The following PRKCH variants were observed in gnomAD, a reference collection of about 807,000 sequenced individuals.
The protein encoded by PRKCH is protein kinase C eta.
A neutral mutation model predicts 82.5 loss-of-function variants in PRKCH; 28 were observed. The ratio of observed to expected loss-of-function variants is 0.34; its 90% CI spans 0.25 to 0.47. The LOEUF (loss-of-function observed/expected upper bound fraction) is 0.47, where lower values mean the gene tolerates loss of function less well. Among genes scored for constraint, PRKCH ranks in the 20% least tolerant of loss-of-function variants. The pLI, the probability that PRKCH is intolerant of heterozygous loss-of-function variation, is 1.00. For synonymous variants in PRKCH, 322 were observed against 327.4 expected, an observed-to-expected ratio of 0.98 and a Z score of 0.18; for missense variants, 705 against 881.8, an observed-to-expected ratio of 0.80 and a Z score of 2.54.
At chr14:61,204,490 C>T (rs1452462833) in intron 1 of PRKCH, among the ~76,000 whole-genome samples, 1 of 152,136 alleles carries the variant, frequency 6.6e-6, no homozygotes, top group Admixed American at 6.5e-5. Context: ...TGCAGTGGCT[C>T]ACACCTGTAA....
At chr14:61,344,656 G>C (rs2045969388) in intron 1 of PRKCH, among the ~76,000 whole-genome samples, 1 of 152,100 alleles carries the variant, frequency 6.6e-6, no homozygotes, top group Non-Finnish European at 1.5e-5. Context: ...ACTTGGGTCT[G>C]TAGTCAGCGG....
intron 1 of PRKCH, among the ~76,000 whole-genome samples, chr14:61,372,962 GAGTCCTGCCAGTTGCATCTGAGAGAC>G (rs1189271606): frequency 6.6e-6 from 1 of 152,018 alleles, no homozygotes; most frequent in Non-Finnish European, 1.5e-5. Context: ...CCTGCTGAGA[GAGTCCTGCCAGTTGCATCTGAGAGAC>G]AGTCCTGCCA....
At chr14:61,428,112 C>CATATAT (rs112740584) in intron 2 of PRKCH, among the ~76,000 whole-genome samples, 100 of 145,592 alleles carry the variant, frequency 6.9e-4, no homozygotes, top group East Asian at 1.6e-3. Context: ...TATATACACA[C>CATATAT]ATATATATAT....
intron 1 of PRKCH, among the ~76,000 whole-genome samples, chr14:61,201,534 A>T (rs1263523697): frequency 6.6e-6 from 1 of 152,228 alleles, no homozygotes; most frequent in Non-Finnish European, 1.5e-5. Flanking sequence ...ATAACAAGAG[A>T]ATATAAACAT....
intron 2 of PRKCH, among the ~76,000 whole-genome samples, chr14:61,395,771 T>C (rs1186074477): frequency 6.6e-6 from 1 of 152,072 alleles, no homozygotes; most frequent in Non-Finnish European, 1.5e-5. Context: ...ACTCAGCAGG[T>C]TCGTTTTATC....
intron 1 of PRKCH, among the ~76,000 whole-genome samples, chr14:61,243,897 G>A (rs1027788558): frequency 1.3e-5 from 2 of 151,426 alleles, no homozygotes; most frequent in Non-Finnish European, 1.5e-5. Flanking sequence ...GTTTGCCTGA[G>A]CCCAGGAGCT....
intron 1 of PRKCH, among the ~76,000 whole-genome samples, chr14:61,323,217 G>C (rs1429862323): frequency 2.6e-5 from 4 of 152,098 alleles, no homozygotes; most frequent in Non-Finnish European, 4.4e-5. Context: ...GGGTATTGAC[G>C]TGTAGCTACC....
intron 10 of PRKCH, among the ~76,000 whole-genome samples, chr14:61,501,649 G>T (rs1886914139): frequency 6.6e-6 from 1 of 152,084 alleles, no homozygotes; most frequent in Admixed American, 6.5e-5. Context: ...ACATTTGTCT[G>T]CAGGAATTCA....
chr14:61,454,405 T>C (rs1280541085), intron 7 of PRKCH, among the ~76,000 whole-genome samples: 1 of 152,168 alleles, frequency 6.6e-6, no homozygotes, highest in Non-Finnish European at 1.5e-5. Context: ...GCCCAGCCTT[T>C]CTTTTCTGTT....
chr14:61,411,460 T>C (rs1232741139), intron 2 of PRKCH, among the ~76,000 whole-genome samples: 1 of 152,166 alleles, frequency 6.6e-6, no homozygotes, highest in Admixed American at 6.5e-5. Context: ...CTGAAACAAG[T>C]ATTGGATTTA....
At chr14:61,513,699 A>T (rs940499946) in intron 10 of PRKCH, among the ~76,000 whole-genome samples, 1 of 152,150 alleles carries the variant, frequency 6.6e-6, no homozygotes, top group Non-Finnish European at 1.5e-5. Context: ...GCGGACTTAT[A>T]TTGTCATGTA....
chr14:61,354,711 TG>T (rs1486413723), intron 1 of PRKCH, among the ~76,000 whole-genome samples: 1 of 152,368 alleles, frequency 6.6e-6, no homozygotes, highest in African/African-American at 2.4e-5. Context: ...AATCCCACTT[TG>T]CCAATGAGGC....
At chr14:61,490,435 G>A (rs996199562) in intron 10 of PRKCH, among the ~76,000 whole-genome samples, 1 of 152,188 alleles carries the variant, frequency 6.6e-6, no homozygotes, top group African/African-American at 2.4e-5. Flanking sequence ...ATAGTTGGGG[G>A]ATCTGTGTGA....
At chr14:61,529,367 G>A in intron 11 of PRKCH, 154 bp downstream of exon 11, 1 of 772,794 alleles carries the variant, frequency 1.3e-6, no homozygotes, top group Non-Finnish European at 1.8e-6. Context: ...GGCTCATTGG[G>A]TGAATGATGG....
intron 1 of PRKCH, among the ~76,000 whole-genome samples, chr14:61,308,012 T>C (rs1054001612): frequency 6.6e-6 from 1 of 151,978 alleles, no homozygotes; most frequent in Non-Finnish European, 1.5e-5. Context: ...AATTTTTAAT[T>C]TTTTTTTGTA....
intron 1 of PRKCH, chr14:61,306,522 C>A (rs1276836529): frequency 2.0e-5 from 3 of 152,232 alleles, no homozygotes; most frequent in African/African-American, 7.2e-5. Flanking sequence ...ACGTGCAGAT[C>A]ACATTGTGTT....
chr14:61,411,966 A>G (rs1411588426), intron 2 of PRKCH, among the ~76,000 whole-genome samples: 1 of 152,246 alleles, frequency 6.6e-6, no homozygotes. Context: ...AGTACATAGA[A>G]GGGCCTTGCT....
intron 1 of PRKCH, among the ~76,000 whole-genome samples, chr14:61,362,212 T>C (rs1015248288): frequency 1.3e-5 from 2 of 151,994 alleles, no homozygotes; most frequent in Non-Finnish European, 2.9e-5. Context: ...TGGTGCTATG[T>C]ACCTGTAGTC....
intron 1 of PRKCH, chr14:61,322,764 A>T (rs1049102495): frequency 1.2e-5 from 4 of 324,002 alleles, no homozygotes. Context: ...GTCTTTGGGT[A>T]AGGAGCTCCA....
Sources: gnomAD v4.1 joint callset for allele counts (sites outside exome capture counted in the v4.1 genomes callset) on GRCh38, gnomAD v4.1.1 for gene constraint, MANE v1.5 for transcripts, NCBI Gene and HGNC (gene_info 2026-07-23, HGNC 2026-07-21) for gene names.